CCDC73: variants seen among roughly 807,000 people sequenced by gnomAD.
CCDC73 encodes the protein coiled-coil domain-containing protein 73.
A neutral mutation model predicts 116.5 loss-of-function variants in CCDC73; 95 were observed. That is an observed-to-expected ratio of 0.82 (90% confidence interval 0.69 to 0.97). The LOEUF is 0.97. Ranked by LOEUF, CCDC73 falls within the 50% of genes least tolerant of loss-of-function variation. The pLI is 0.00. For synonymous variants in CCDC73, 398 were observed against 401.3 expected, an observed-to-expected ratio of 0.99 and a Z score of 0.10; for missense variants, 1,066 against 1,206.8, an observed-to-expected ratio of 0.88 and a Z score of 1.73.
chr11:32,694,830 A>C (rs1856294087), intron 6 of CCDC73, among the ~76,000 whole-genome samples: 1 of 152,158 alleles, frequency 6.6e-6, no homozygotes, highest in South Asian at 2.1e-4. Flanking sequence ...CTGTAAAAAA[A>C]AATTAGGTGC....
chr11:32,613,831 A>G lies in CCDC73; in HGVS notation c.2487T>C (p.Phe829=). 4 of 1,613,734 alleles carry G rather than the reference A, an allele frequency of 2.5e-6. No homozygotes were observed. Among genetic ancestry groups the G allele is most frequent in the Non-Finnish European group, 3.4e-6 (4 of 1,179,952 alleles). ...TEATKNDLFL[F]VSINERQHTL... is the part of the protein sequence containing the mutation. ...TATGCTGTCTTTCATTAATGCTCAC[A>G]AAAAGGAAGAGGTCATTTTTTGTGG... The change falls in exon 16 of 18, where the codon TTT becomes TTC. Residue 829 remains phenylalanine, a synonymous_variant. Transcript: ENST00000335185.
the CCDC73 span, among the ~76,000 whole-genome samples, chr11:32,804,617 T>G: frequency 2.6e-5 from 4 of 152,238 alleles, no homozygotes; most frequent in Non-Finnish European, 4.4e-5. Flanking sequence ...ATAAGACAAG[T>G]ATTTTCCCAG....
the CCDC73 span, among the ~76,000 whole-genome samples, chr11:32,811,024 A>G: frequency 6.6e-6 from 1 of 151,552 alleles, no homozygotes; most frequent in Non-Finnish European, 1.5e-5. Context: ...TTATAATCCC[A>G]GCTACATGGG....
intron 2 of CCDC73, among the ~76,000 whole-genome samples, chr11:32,730,628 T>C (rs573640952): frequency 6.6e-6 from 1 of 152,312 alleles, no homozygotes; most frequent in East Asian, 1.9e-4. Flanking sequence ...CCATGATGTA[T>C]CTGGGTATTT....
chr11:32,745,706 A>G (rs1850229981), intron 2 of CCDC73, among the ~76,000 whole-genome samples: 1 of 136,536 alleles, frequency 7.3e-6, no homozygotes, highest in Admixed American at 7.2e-5. Context: ...CAGGATTGCA[A>G]CCCCTGGTTT....
intron 1 of CCDC73, among the ~76,000 whole-genome samples, chr11:32,776,030 TTC>T (rs1279313335): frequency 6.6e-6 from 1 of 152,144 alleles, no homozygotes; most frequent in Non-Finnish European, 1.5e-5. Flanking sequence ...TTTGACATCT[TTC>T]TCTTTCTCTC....
intron 9 of CCDC73, among the ~76,000 whole-genome samples, chr11:32,666,994 G>A (rs1855989820): frequency 6.6e-6 from 1 of 152,316 alleles, no homozygotes; most frequent in South Asian, 2.1e-4. Flanking sequence ...AACAGCAAAT[G>A]TTGCTGCCTG....
At chr11:32,662,250 G>A (rs1855936128) in intron 9 of CCDC73, among the ~76,000 whole-genome samples, 1 of 152,178 alleles carries the variant, frequency 6.6e-6, no homozygotes, top group South Asian at 2.1e-4. Context: ...GATCCTTAAG[G>A]AATCGCCACA....
intron 14 of CCDC73, among the ~76,000 whole-genome samples, chr11:32,620,310 C>A (rs561804929): frequency 6.6e-6 from 1 of 152,110 alleles, no homozygotes; most frequent in African/African-American, 2.4e-5. Context: ...GCTTAGACTT[C>A]TTTTCATTAT....
intron 6 of CCDC73, among the ~76,000 whole-genome samples, chr11:32,689,922 G>C (rs1473390203): frequency 6.6e-6 from 1 of 152,162 alleles, no homozygotes; most frequent in East Asian, 1.9e-4. Flanking sequence ...ATGAACCCGG[G>C]AGGCGGAGCT....
chr11:32,795,305 A>T (rs140573635), upstream of CCDC73, among the ~76,000 whole-genome samples: 3 of 151,852 alleles, frequency 2.0e-5, no homozygotes, highest in East Asian at 5.8e-4. Context: ...CCCCGTCTCT[A>T]CCCAAAAATA....
At chr11:32,743,112 T>C (rs1347059088) in intron 2 of CCDC73, among the ~76,000 whole-genome samples, 1 of 152,202 alleles carries the variant, frequency 6.6e-6, no homozygotes, top group Non-Finnish European at 1.5e-5. Context: ...TTTGTTCTTC[T>C]TGCCCAGGAT....
At chr11:32,627,545 C>A (rs1022333438) in intron 14 of CCDC73, among the ~76,000 whole-genome samples, 1 of 152,128 alleles carries the variant, frequency 6.6e-6, no homozygotes, top group African/African-American at 2.4e-5. Flanking sequence ...ACACTATTTA[C>A]AATAGCAAAG....
chr11:32,788,514 A>T (rs552169644), intron 1 of CCDC73, among the ~76,000 whole-genome samples: 2 of 149,664 alleles, frequency 1.3e-5, no homozygotes, highest in Admixed American at 6.7e-5. Flanking sequence ...TTGCTCTGTC[A>T]TGAAGGCTGG....
chr11:32,614,155 T>A lies in CCDC73; in HGVS notation c.2163A>T (p.Leu721=). Residue 721 remains leucine, a synonymous_variant, in exon 16 of 18, where the codon CTA becomes CTT. Coordinates refer to ENST00000335185, the MANE Select transcript of CCDC73 (RefSeq NM_001008391.4). ...CATTTTTATCTGAGTTCTTCAGAAG[T>A]AGTTTTGAATTAGCACTAAAAGCAG... ...SYAAFSANSK[L]LLKNSDKNVH... is the part of the protein sequence containing the mutation. The A allele has an allele frequency of 6.2e-7, 1 of 1,613,836 alleles. No individual in the cohort carries two copies. The highest frequency in any genetic ancestry group is 8.5e-7 in the Non-Finnish European group (1 of 1,179,850).
chr11:32,830,380 G>A, the CCDC73 span: 9 of 931,246 alleles, frequency 9.7e-6, no homozygotes, highest in East Asian at 3.2e-5. Context: ...TCCGGCGACC[G>A]AAACCGCGCG....
At chr11:32,772,452 A>G (rs1038282845) in intron 1 of CCDC73, among the ~76,000 whole-genome samples, 2 of 152,188 alleles carry the variant, frequency 1.3e-5, no homozygotes, top group African/African-American at 4.8e-5. Flanking sequence ...ACAAATAGCT[A>G]TTGAGGGCAT....
At chr11:32,770,608 A>G (rs1850484851) in intron 1 of CCDC73, among the ~76,000 whole-genome samples, 1 of 152,210 alleles carries the variant, frequency 6.6e-6, no homozygotes, top group South Asian at 2.1e-4. Context: ...AGCAATAAAG[A>G]AACTGTTACT....
At chr11:32,689,428 T>A (rs1181384497) in intron 6 of CCDC73, among the ~76,000 whole-genome samples, 1 of 151,982 alleles carries the variant, frequency 6.6e-6, no homozygotes, top group African/African-American at 2.4e-5. Context: ...AGATTTACAA[T>A]GAAGGAGCAT....
Sources: allele counts gnomAD v4.1 joint callset (sites outside exome capture counted in the v4.1 genomes callset), GRCh38; gene constraint gnomAD v4.1.1; transcripts MANE v1.5; gene names NCBI Gene and HGNC (gene_info 2026-07-23, HGNC 2026-07-21).